The following SMCO4 variants were observed in gnomAD, a reference collection of about 807,000 sequenced individuals.
The protein encoded by SMCO4 is single-pass membrane and coiled-coil domain-containing protein 4.
Under a neutral mutation model 3.6 loss-of-function variants are expected in SMCO4, and 4 were observed. That is an observed-to-expected ratio of 1.11 (90% CI 0.54 to 2.53). The LOEUF (loss-of-function observed/expected upper bound fraction) is 2.53. SMCO4 is among the 30% of genes most tolerant of loss of function. The pLI, the probability that SMCO4 is intolerant of heterozygous loss-of-function variation, is 0.02. For synonymous variants in SMCO4, 36 were observed against 35.3 expected, an observed-to-expected ratio of 1.02 and a Z score of -0.07; for missense variants, 70 against 80.8, an observed-to-expected ratio of 0.87 and a Z score of 0.51.
intron 2 of SMCO4, among the ~76,000 whole-genome samples, chr11:93,487,607 T>C (rs558718681): frequency 6.6e-6 from 1 of 152,362 alleles, no homozygotes; most frequent in East Asian, 1.9e-4. Context: ...TTGAGTGGGT[T>C]GCCGAATGAC....
At chr11:93,493,934 G>A (rs1231890704) in intron 2 of SMCO4, among the ~76,000 whole-genome samples, 1 of 152,030 alleles carries the variant, frequency 6.6e-6, no homozygotes, top group Non-Finnish European at 1.5e-5. Context: ...ACATCAGATT[G>A]TTCTCCCTTA....
intron 2 of SMCO4, among the ~76,000 whole-genome samples, chr11:93,491,047 C>T (rs1234472286): frequency 6.6e-6 from 1 of 152,250 alleles, no homozygotes; most frequent in Non-Finnish European, 1.5e-5. Flanking sequence ...TATATACCGT[C>T]ATTCCTTAGA....
At chr11:93,517,285 C>T (rs1400177636) in intron 1 of SMCO4, among the ~76,000 whole-genome samples, 2 of 152,148 alleles carry the variant, frequency 1.3e-5, no homozygotes, top group East Asian at 3.9e-4. Context: ...GGGCTGTCAC[C>T]CTACTGCTGC....
chr11:93,534,396 A>C (rs1949199323), intron 1 of SMCO4, among the ~76,000 whole-genome samples: 1 of 148,230 alleles, frequency 6.7e-6, no homozygotes, highest in African/African-American at 2.5e-5. Context: ...AGAGAGAGAG[A>C]TACATATATA....
intron 2 of SMCO4, among the ~76,000 whole-genome samples, chr11:93,494,338 T>C (rs1225247360): frequency 6.6e-6 from 1 of 152,198 alleles, no homozygotes; most frequent in African/African-American, 2.4e-5. Flanking sequence ...TAAATATGCA[T>C]CACTTCAGAG....
rs377624097 is a variant in SMCO4, at chr11:93,534,369, T to TAG, written c.-154+8906_-154+8907insCT. Among the ~76,000 whole-genome samples, 233 of 99,714 alleles carry TAG rather than the reference T, an allele frequency of 2.3e-3. 1 individual carries two copies. The highest frequency in any genetic ancestry group is 0.022 in the Middle Eastern group (4 of 186). The allele number at this position is 99,714 out of a possible 152,430, so 65.4% of individuals were successfully genotyped here. On this transcript the variant is annotated intron_variant, in intron 1 of 2. Coordinates refer to ENST00000298966, the MANE Select transcript of SMCO4 (RefSeq NM_020179.3). ...ATATATACACATACATATATATATA[T>TAG]ATATATAGAGAGAGAGAGAGAGAGA...
chr11:93,513,535 C>G (rs1435409655), intron 1 of SMCO4, among the ~76,000 whole-genome samples: 1 of 152,096 alleles, frequency 6.6e-6, no homozygotes, highest in Admixed American at 6.5e-5. Flanking sequence ...GGTGCCAGGA[C>G]TTGGTGGATG....
intron 1 of SMCO4, among the ~76,000 whole-genome samples, chr11:93,509,482 A>T (rs1017498687): frequency 3.3e-5 from 5 of 152,172 alleles, no homozygotes; most frequent in African/African-American, 1.2e-4. Flanking sequence ...TACCCAGAGG[A>T]AAAGAAGTCA....
chr11:93,516,507 C>T (rs553996542), intron 1 of SMCO4, among the ~76,000 whole-genome samples: 14 of 152,232 alleles, frequency 9.2e-5, no homozygotes, highest in African/African-American at 3.1e-4. Flanking sequence ...AGAGAGAGAT[C>T]GTCTAGGCGT....
Position 93,478,765 on chromosome 11 carries a change from T to C in SMCO4, c.*245A>G, listed in dbSNP as rs1311495672. 4.1e-5 allele frequency: 45 copies of C among 1,088,834 alleles called. No individual in the cohort carries two copies. Among genetic ancestry groups the C allele is most frequent in the Non-Finnish European group, 3.6e-6 (3 of 829,520 alleles). The allele number at this position is 1,088,834 out of a possible 1,614,324, so 67.4% of individuals were successfully genotyped here. ...CACACACACACACATGCGCGCGCGCTTTGAAGTCTGAAAGGCACATGAAGT... is the reference window on the plus strand; with the variant it reads ...CACACACACACACATGCGCGCGCGCCTTGAAGTCTGAAAGGCACATGAAGT... On this transcript the variant is annotated 3_prime_UTR_variant, in exon 3 of 3. Transcript: ENST00000298966.
chr11:93,533,641 G>A (rs1178549019), intron 1 of SMCO4, among the ~76,000 whole-genome samples: 4 of 152,118 alleles, frequency 2.6e-5, no homozygotes, highest in Admixed American at 6.5e-5. Flanking sequence ...AGGCCTCTGC[G>A]TGTGGGGCTC....
chr11:93,508,755 TAAA>T (rs1948931245), intron 1 of SMCO4, among the ~76,000 whole-genome samples: 1 of 151,706 alleles, frequency 6.6e-6, no homozygotes, highest in Non-Finnish European at 1.5e-5. Context: ...CAGTTAGAAA[TAAA>T]AAGAAGTAGT....
At chr11:93,543,995 C>G (rs77247387), upstream of SMCO4, among the ~76,000 whole-genome samples, 1 of 152,200 alleles carries the variant, frequency 6.6e-6, no homozygotes, top group African/African-American at 2.4e-5. Flanking sequence ...TTCCCCACCT[C>G]GGACCAGCGC....
At chr11:93,531,499 T>C (rs1158009092) in intron 1 of SMCO4, among the ~76,000 whole-genome samples, 1 of 152,204 alleles carries the variant, frequency 6.6e-6, no homozygotes, top group Admixed American at 6.5e-5. Flanking sequence ...TCTTAGGACT[T>C]CTTAACCTTC....
At chr11:93,535,483 G>C in intron 1 of SMCO4, 2 of 1,407,576 alleles carry the variant, frequency 1.4e-6, no homozygotes, top group South Asian at 2.3e-5. Context: ...TGTTGTTGGA[G>C]AGCGAGCAGC....
upstream of SMCO4, among the ~76,000 whole-genome samples, chr11:93,545,746 CCTT>C (rs1369999285): frequency 6.6e-6 from 1 of 152,196 alleles, no homozygotes; most frequent in East Asian, 1.9e-4. Flanking sequence ...ACTGAGTTGT[CCTT>C]CTGTAGCTCC....
chr11:93,534,217 CA>C (rs1949192114), intron 1 of SMCO4, among the ~76,000 whole-genome samples: 1 of 402 alleles, frequency 2.5e-3, no homozygotes. Context: ...TATATATATA[CA>C]CACACACACA....
Position 93,503,703 on chromosome 11 carries a change from G to A in SMCO4, c.-153-4355C>T, listed in dbSNP as rs1318572609. On this transcript the variant is annotated intron_variant, in intron 1 of 2. Coordinates refer to ENST00000298966, the MANE Select transcript of SMCO4 (RefSeq NM_020179.3). ...ACGAATGACAAGACCACGTGCCAAG[G>A]AATGCTGGCAGCACCAAAGGCTGGG... Among the ~76,000 whole-genome samples the A allele has an allele frequency of 2.6e-5, 4 of 152,184 alleles. 1 individual carries two copies. The highest frequency in any genetic ancestry group is 5.9e-5 in the Non-Finnish European group (4 of 68,036).
intron 2 of SMCO4, among the ~76,000 whole-genome samples, chr11:93,486,363 A>G (rs1342880857): frequency 6.6e-6 from 1 of 152,188 alleles, no homozygotes; most frequent in Non-Finnish European, 1.5e-5. Context: ...CCAATGGGAC[A>G]CAGATCAAGA....
Sources: allele counts gnomAD v4.1 joint callset (sites outside exome capture counted in the v4.1 genomes callset), GRCh38; gene constraint gnomAD v4.1.1; transcripts MANE v1.5; gene names NCBI Gene and HGNC (gene_info 2026-07-23, HGNC 2026-07-21).